Variants in GRXCR1 observed in about 807,000 individuals in gnomAD.
GRXCR1 encodes the protein glutaredoxin and cysteine rich domain containing 1.
Under a neutral mutation model 27.3 loss-of-function variants are expected in GRXCR1, and 27 were observed. The observed-to-expected ratio is 0.99, with a 90% CI of 0.73 to 1.37. The LOEUF is 1.37. Among genes scored for constraint, GRXCR1 ranks in the 40% most tolerant of loss-of-function variants. GRXCR1 has a pLI of 0.00. For missense variants in GRXCR1, 379 were observed against 354.4 expected, an observed-to-expected ratio of 1.07 and a Z score of -0.56; for synonymous variants, 122 against 131.1, an observed-to-expected ratio of 0.93 and a Z score of 0.47.
chr4:42,957,779 A>G (rs1161860770), intron 1 of GRXCR1, among the ~76,000 whole-genome samples: 1 of 151,560 alleles, frequency 6.6e-6, no homozygotes, highest in Non-Finnish European at 1.5e-5. Flanking sequence ...TGATTCTTTT[A>G]TTAAATTATT....
rs915555501 is a variant in GRXCR1 at position 42,893,122 on chromosome 4, G to T, written c.-145G>T. 4 of 874,256 alleles carry T rather than the reference G, an allele frequency of 4.6e-6. No individual in the cohort carries two copies. The African/African-American group carries it at 6.6e-5, about 14-fold the overall frequency. 54.2% of individuals were successfully genotyped at this position (874,256 alleles called of 1,614,324 possible). A position where few individuals can be genotyped will look rare whatever the true frequency, so the allele number is the denominator to read the frequency against. On this transcript the variant is annotated 5_prime_UTR_variant, in exon 1 of 4. Coordinates refer to ENST00000399770, the MANE Select transcript of GRXCR1 (RefSeq NM_001080476.3). ...TAGCAGAGACACACTGTAAGTCCTT[G>T]GGAATCTTCTTTCCTTTTGATGTTA...
At chr4:43,004,768 A>G (rs1354937357) in intron 2 of GRXCR1, among the ~76,000 whole-genome samples, 1 of 152,170 alleles carries the variant, frequency 6.6e-6, no homozygotes, top group East Asian at 1.9e-4. Context: ...TACCCCCATT[A>G]TATTTTGGAA....
intron 1 of GRXCR1, among the ~76,000 whole-genome samples, chr4:42,949,505 C>G (rs1747830875): frequency 6.6e-6 from 1 of 151,968 alleles, no homozygotes; most frequent in Admixed American, 6.6e-5. Context: ...CTGTAAGTTA[C>G]TTGAATCAAA....
intron 1 of GRXCR1, among the ~76,000 whole-genome samples, chr4:42,925,281 G>A (rs1747133467): frequency 6.6e-6 from 1 of 151,932 alleles, no homozygotes; most frequent in African/African-American, 2.4e-5. Context: ...GAATTGGTTG[G>A]GGGGCATGAG....
chr4:43,025,092 A>G (rs192620694), intron 3 of GRXCR1, among the ~76,000 whole-genome samples: 1 of 152,214 alleles, frequency 6.6e-6, no homozygotes. Flanking sequence ...TATATTGCAT[A>G]ACTGGGGGTA....
chr4:43,027,327 G>T (rs570113058), intron 3 of GRXCR1, among the ~76,000 whole-genome samples: 1 of 152,144 alleles, frequency 6.6e-6, no homozygotes, highest in Non-Finnish European at 1.5e-5. Flanking sequence ...TGTTGTATTT[G>T]TGATTATTTT....
chr4:42,945,535 A>G (rs988363767), intron 1 of GRXCR1, among the ~76,000 whole-genome samples: 2 of 152,138 alleles, frequency 1.3e-5, no homozygotes, highest in African/African-American at 4.8e-5. Flanking sequence ...AGCTTTGAAA[A>G]TAGAGAGAAA....
At chr4:42,903,101 C>G (rs188304881) in intron 1 of GRXCR1, among the ~76,000 whole-genome samples, 2 of 152,020 alleles carry the variant, frequency 1.3e-5, no homozygotes, top group Non-Finnish European at 2.9e-5. Flanking sequence ...AACCGGAGCC[C>G]GAAGGCTGAA....
At chr4:42,941,008 G>T (rs1362426776) in intron 1 of GRXCR1, among the ~76,000 whole-genome samples, 1 of 151,836 alleles carries the variant, frequency 6.6e-6, no homozygotes, top group Non-Finnish European at 1.5e-5. Context: ...TTGCTCTATT[G>T]TATGGTGTAG....
chr4:42,904,553 G>C (rs576526459), intron 1 of GRXCR1, among the ~76,000 whole-genome samples: 17 of 152,214 alleles, frequency 1.1e-4, no homozygotes, highest in Admixed American at 1.0e-3. Context: ...GTTTAATGTG[G>C]GAAAATGTAC....
At chr4:42,978,674 T>C (rs1027215787) in intron 2 of GRXCR1, among the ~76,000 whole-genome samples, 4 of 152,096 alleles carry the variant, frequency 2.6e-5, no homozygotes. Flanking sequence ...CAAATTTATT[T>C]TTTGGTGCTA....
chr4:42,917,752 A>G (rs564336602), intron 1 of GRXCR1, among the ~76,000 whole-genome samples: 161 of 152,280 alleles, frequency 1.1e-3, no homozygotes, highest in Middle Eastern at 3.4e-3. Context: ...AACGGGGGCT[A>G]TTAAGTACAA....
intron 1 of GRXCR1, among the ~76,000 whole-genome samples, chr4:42,936,817 G>C (rs73240026): frequency 0.17 from 25,452 of 151,826 alleles, 2,429 homozygotes; most frequent in South Asian, 0.3. Flanking sequence ...ATGTGTCTTG[G>C]AAAGGAAGAT....
intron 2 of GRXCR1, among the ~76,000 whole-genome samples, chr4:42,977,947 A>G (rs1748562797): frequency 6.6e-6 from 1 of 151,996 alleles, no homozygotes; most frequent in Non-Finnish European, 1.5e-5. Flanking sequence ...TCCTATGTTT[A>G]GGTCTGTAAT....
chr4:42,994,114 T>G (rs1188667764), intron 2 of GRXCR1, among the ~76,000 whole-genome samples: 1 of 152,104 alleles, frequency 6.6e-6, no homozygotes, highest in Non-Finnish European at 1.5e-5. Context: ...TGGTTCTTTA[T>G]AGAGGATGCA....
chr4:42,995,978 A>C (rs1216044839), intron 2 of GRXCR1, among the ~76,000 whole-genome samples: 2 of 152,234 alleles, frequency 1.3e-5, no homozygotes, highest in Admixed American at 1.3e-4. Context: ...AGAACACCTC[A>C]AATATAAGCA....
At chr4:42,919,005 C>T (rs1357733507) in intron 1 of GRXCR1, among the ~76,000 whole-genome samples, 1 of 152,032 alleles carries the variant, frequency 6.6e-6, no homozygotes, top group Non-Finnish European at 1.5e-5. Context: ...TCAGAATAAC[C>T]TCTTCTTCTA....
chr4:42,984,130 C>T (rs11724692), intron 2 of GRXCR1, among the ~76,000 whole-genome samples: 9,721 of 152,226 alleles, frequency 0.064, 417 homozygotes, highest in Non-Finnish European at 0.093. Flanking sequence ...GCCACCATGC[C>T]CAGCCCACAG....
chr4:42,949,769 A>G (rs1461096152), intron 1 of GRXCR1, among the ~76,000 whole-genome samples: 2 of 152,162 alleles, frequency 1.3e-5, no homozygotes, highest in Non-Finnish European at 2.9e-5. Flanking sequence ...ACAGTCAGAG[A>G]GACATAAGAG....
Sources: allele counts gnomAD v4.1 joint callset (sites outside exome capture counted in the v4.1 genomes callset), GRCh38; gene constraint gnomAD v4.1.1; transcripts MANE v1.5; gene names NCBI Gene and HGNC (gene_info 2026-07-23, HGNC 2026-07-21).